The following FKBP9 variants were observed in gnomAD, a reference collection of about 807,000 sequenced individuals.
FKBP9 encodes the protein FKBP prolyl isomerase 9.
Under a neutral mutation model 55.6 loss-of-function variants are expected in FKBP9, and 27 were observed. The ratio of observed to expected loss-of-function variants is 0.49; its 90% CI spans 0.36 to 0.67. FKBP9 has a LOEUF of 0.67. Ranked by LOEUF, FKBP9 falls within the 30% of genes least tolerant of loss-of-function variation. FKBP9 has a pLI of 0.00. For synonymous variants in FKBP9, 267 were observed against 296.5 expected, an observed-to-expected ratio of 0.90 and a Z score of 1.02; for missense variants, 539 against 742.8, an observed-to-expected ratio of 0.73 and a Z score of 3.19.
chr7:32,970,328 C>T (rs922209228), intron 1 of FKBP9, among the ~76,000 whole-genome samples: 8 of 152,086 alleles, frequency 5.3e-5, no homozygotes, highest in African/African-American at 1.9e-4. Flanking sequence ...TCCCGAGTAG[C>T]TGGTATTACA....
At chr7:33,003,189 A>C (rs903629456) in intron 9 of FKBP9, among the ~76,000 whole-genome samples, 18 of 152,190 alleles carry the variant, frequency 1.2e-4, no homozygotes, top group African/African-American at 4.1e-4. Context: ...GAAACTGCAC[A>C]GAGAAGGTAA....
chr7:32,962,750 G>A (rs1377463694), intron 1 of FKBP9, among the ~76,000 whole-genome samples: 1 of 152,108 alleles, frequency 6.6e-6, no homozygotes, highest in Non-Finnish European at 1.5e-5. Context: ...TGCCAAGGAT[G>A]TAACAGTGAA....
intron 1 of FKBP9, among the ~76,000 whole-genome samples, chr7:32,962,001 TAATCCCAAA>T (rs1256695583): frequency 6.6e-6 from 1 of 152,012 alleles, no homozygotes. Context: ...TGTATCTGAA[TAATCCCAAA>T]ACCATCCCCC....
intron 1 of FKBP9, among the ~76,000 whole-genome samples, chr7:32,965,818 T>A (rs1442555443): frequency 0.29 from 5,271 of 18,382 alleles, 330 homozygotes; most frequent in Admixed American, 0.37. Flanking sequence ...AAAAAATATA[T>A]ATATATATAT....
chr7:33,005,446 T>A lies in FKBP9; in HGVS notation c.*95T>A. ...GAGGGTGCAAGGGTCTCTCAGAAGTTGCATCATTAGCCAGTAGTAGGTGGG... is the reference window on the plus strand; with the variant it reads ...GAGGGTGCAAGGGTCTCTCAGAAGTAGCATCATTAGCCAGTAGTAGGTGGG... On this transcript the variant is annotated 3_prime_UTR_variant, in exon 10 of 10. Transcript: ENST00000242209. The A allele has an allele frequency of 1.7e-5, 24 of 1,410,096 alleles. No homozygotes were observed. In the South Asian group the frequency reaches 3.2e-4, roughly 19 times the overall value. 87.3% of individuals were successfully genotyped at this position (1,410,096 alleles called of 1,614,324 possible). A position where few individuals can be genotyped will look rare whatever the true frequency, so the allele number is the denominator to read the frequency against.
chr7:32,966,415 C>G (rs1426932259), intron 1 of FKBP9, among the ~76,000 whole-genome samples: 3 of 152,156 alleles, frequency 2.0e-5, no homozygotes, highest in Admixed American at 1.3e-4. Flanking sequence ...TAAAAACAAG[C>G]TGATGGAGAG....
intron 6 of FKBP9, among the ~76,000 whole-genome samples, chr7:32,991,389 G>A (rs1195270386): frequency 6.6e-6 from 1 of 152,164 alleles, no homozygotes; most frequent in Non-Finnish European, 1.5e-5. Flanking sequence ...AGTGGAGTCT[G>A]CCTCTGTCCT....
chr7:32,963,612 C>A, intron 1 of FKBP9: 2 of 1,452,570 alleles, frequency 1.4e-6, no homozygotes, highest in Non-Finnish European at 1.8e-6. Context: ...GGGGTGAACA[C>A]AAGCCCGTCC....
chr7:32,975,266 A>C lies in FKBP9; in HGVS notation c.452A>C (p.His151Pro). The C allele has an allele frequency of 6.2e-7, 1 of 1,613,842 alleles. No individual in the cohort carries two copies. The highest frequency in any genetic ancestry group is 1.3e-5 in the African/African-American group (1 of 75,038). Residue 151 changes from histidine (H) to proline (P), a missense_variant, in exon 3 of 10, where the codon CAC becomes CCC. Around this residue, in one of 4 missense-constraint regions of FKBP9, gnomAD observed 236 missense variants for 271.5 expected, o/e 0.87. Coordinates refer to ENST00000242209, the MANE Select transcript of FKBP9 (RefSeq NM_007270.5). ...AATTCTGAAGACCAGGTTCAGATTC[A>C]CACCTATTTCAAGCCCCCGAGTTGC... ...IWNSEDQVQIHTYFKPPSCPR... is the reference protein window; with the variant it reads ...IWNSEDQVQIPTYFKPPSCPR...
chr7:32,964,955 G>A (rs1257589012), intron 1 of FKBP9, among the ~76,000 whole-genome samples: 1 of 152,200 alleles, frequency 6.6e-6, no homozygotes, highest in African/African-American at 2.4e-5. Flanking sequence ...CATTCGTGAA[G>A]GGTGGTGGCA....
chr7:32,975,462 A>G, intron 3 of FKBP9, 91 bp downstream of exon 3: 3 of 1,032,780 alleles, frequency 2.9e-6, no homozygotes, highest in African/African-American at 1.6e-5. Context: ...TGATGGGGAT[A>G]CCAGAATAAG....
Position 32,980,573 on chromosome 7 carries a change from C to A in FKBP9, c.893+20C>A. 1.2e-6 allele frequency: 2 copies of A among 1,611,214 alleles called. No individual in the cohort carries two copies. Among genetic ancestry groups the A allele is most frequent in the South Asian group, 1.1e-5 (1 of 90,774 alleles). Reference sequence around the variant, plus strand: ...TTCCAGGTAAGGAAATGATTAAAGTCTTCAATTGCCAGAACATTGTATTAA... The same window carrying A: ...TTCCAGGTAAGGAAATGATTAAAGTATTCAATTGCCAGAACATTGTATTAA... On this transcript the variant is annotated intron_variant, in intron 5 of 9. Coordinates refer to ENST00000242209, the MANE Select transcript of FKBP9 (RefSeq NM_007270.5).
At chr7:32,965,255 C>T (rs188127978) in intron 1 of FKBP9, among the ~76,000 whole-genome samples, 17 of 152,054 alleles carry the variant, frequency 1.1e-4, no homozygotes, top group Admixed American at 5.2e-4. Flanking sequence ...CTCAGCCACC[C>T]GAGTAGCTAG....
chr7:32,978,128 G>A lies in FKBP9; in HGVS notation c.703+1629G>A, dbSNP rs562338652. Among the ~76,000 whole-genome samples the A allele has an allele frequency of 1.3e-4, 20 of 151,578 alleles. No homozygotes were observed. The South Asian group carries it at 4.2e-3, about 32-fold the overall frequency. ...GTAGAGACAGCATTTCGCCATGTTG[G>A]CCAGACTTGTCTCAAACTGCTGAGG... On this transcript the variant is annotated intron_variant, in intron 4 of 9. Coordinates refer to ENST00000242209, the MANE Select transcript of FKBP9 (RefSeq NM_007270.5).
chr7:32,959,648 C>T (rs1194382653), intron 1 of FKBP9, among the ~76,000 whole-genome samples: 3 of 152,126 alleles, frequency 2.0e-5, no homozygotes, highest in African/African-American at 7.2e-5. Context: ...CTTTCAGCCA[C>T]GAATCCACTT....
chr7:32,967,784 C>T (rs1032034691), intron 1 of FKBP9, among the ~76,000 whole-genome samples: 9 of 150,928 alleles, frequency 6.0e-5, no homozygotes, highest in African/African-American at 1.9e-4. Context: ...GACAGAGTTT[C>T]GCTCTTATTG....
At position 32,974,626 on chromosome 7, in the gene FKBP9, A is replaced by G. The variant is rs374609707; in HGVS notation, c.231A>G (p.Arg77=). The change falls in exon 2 of 10, where the codon AGA becomes AGG. Residue 77 remains arginine, a synonymous_variant. Coordinates refer to ENST00000242209, the MANE Select transcript of FKBP9 (RefSeq NM_007270.5). ...DGQKFDSSYD[R]DSTFNVFVGK... ...CCCTTTGGGCCTTCAGCTATGACAG[A>G]GACTCCACTTTCAATGTGTTTGTGG... The G allele has an allele frequency of 7.6e-5, 122 of 1,613,520 alleles. No individual in the cohort carries two copies. The highest frequency in any genetic ancestry group is 9.9e-5 in the Non-Finnish European group (117 of 1,179,696).
At chr7:32,976,998 G>A (rs1283099219) in intron 4 of FKBP9, among the ~76,000 whole-genome samples, 2 of 152,196 alleles carry the variant, frequency 1.3e-5, no homozygotes, top group Non-Finnish European at 2.9e-5. Context: ...TAGAAATTTA[G>A]CCATACAATG....
At chr7:32,965,529 G>A (rs1334333673) in intron 1 of FKBP9, among the ~76,000 whole-genome samples, 3 of 151,848 alleles carry the variant, frequency 2.0e-5, no homozygotes, top group Non-Finnish European at 4.4e-5. Flanking sequence ...GGCCAGGCAC[G>A]GTGGCTCATG....
Sources: gnomAD v4.1 joint callset for allele counts (sites outside exome capture counted in the v4.1 genomes callset) on GRCh38, gnomAD v4.1.1 for gene constraint, gnomAD v4.1.1 regional missense constraint, MANE v1.5 for transcripts, NCBI Gene and HGNC (gene_info 2026-07-23, HGNC 2026-07-21) for gene names.